The following OSBPL10 variants were observed in gnomAD, a reference collection of about 807,000 sequenced individuals.
OSBPL10 encodes oxysterol-binding protein-related protein 10.
Under a neutral mutation model 81.7 loss-of-function variants are expected in OSBPL10, and 49 were observed. That is an observed-to-expected ratio of 0.60 (90% CI 0.48 to 0.76). The LOEUF (loss-of-function observed/expected upper bound fraction) is 0.76, where lower values mean the gene tolerates loss of function less well. Among genes scored for constraint, OSBPL10 ranks in the 30% least tolerant of loss-of-function variants. The pLI is 0.00. For synonymous variants in OSBPL10, 419 were observed against 383.6 expected (o/e 1.09, Z -1.08); for missense variants, 923 against 987.8 (o/e 0.93, Z 0.88).
At chr3:31,839,124 A>G (rs970170198) in intron 3 of OSBPL10, among the ~76,000 whole-genome samples, 4 of 152,144 alleles carry the variant, frequency 2.6e-5, no homozygotes, top group African/African-American at 7.2e-5. Context: ...CCCAACCTCA[A>G]TTTTTATCAC....
At chr3:31,889,291 A>G (rs1415026739) in intron 1 of OSBPL10, among the ~76,000 whole-genome samples, 3 of 152,216 alleles carry the variant, frequency 2.0e-5, no homozygotes, top group Non-Finnish European at 2.9e-5. Flanking sequence ...CCAGCAATCC[A>G]CTACTGGGAT....
chr3:31,865,592 T>C (rs1247100670), intron 3 of OSBPL10, among the ~76,000 whole-genome samples: 2 of 152,248 alleles, frequency 1.3e-5, no homozygotes, highest in East Asian at 3.9e-4. Flanking sequence ...GGGAGGTGAT[T>C]AGGTCATGAA....
intron 6 of OSBPL10, among the ~76,000 whole-genome samples, chr3:31,729,061 G>A (rs1444045992): frequency 1.3e-5 from 2 of 152,144 alleles, no homozygotes; most frequent in Non-Finnish European, 2.9e-5. Flanking sequence ...ATTTGGATTA[G>A]GGATACTACT....
At chr3:31,965,230 C>T (rs536485363) in intron 1 of OSBPL10, among the ~76,000 whole-genome samples, 20 of 150,248 alleles carry the variant, frequency 1.3e-4, no homozygotes, top group South Asian at 8.4e-4. Flanking sequence ...ATTAGCCGGG[C>T]GTGGTGGTGG....
At chr3:32,030,646 C>T (rs1575088810) in intron 2 of OSBPL10, 5 of 1,400,630 alleles carry the variant, frequency 3.6e-6, no homozygotes, top group Non-Finnish European at 3.0e-6. Context: ...GCCTGAGCTG[C>T]TGGAACCTAT....
chr3:31,715,045 G>A (rs146869328), intron 6 of OSBPL10: 9 of 149,730 alleles, frequency 6.0e-5, no homozygotes, highest in East Asian at 2.0e-4. Context: ...TACTCAGTCA[G>A]TACTTCGGTT....
chr3:32,065,341 A>T (rs1428082155), intron 1 of OSBPL10: 2 of 93,448 alleles, frequency 2.1e-5, no homozygotes, highest in Admixed American at 2.6e-4. Context: ...TCTTGTAATC[A>T]TGTCATACTT....
chr3:31,801,999 T>C (rs965793755), intron 4 of OSBPL10, among the ~76,000 whole-genome samples: 2 of 151,804 alleles, frequency 1.3e-5, no homozygotes, highest in Non-Finnish European at 2.9e-5. Context: ...AATTTTGTAT[T>C]TTTAGTAGAG....
chr3:31,713,200 T>G (rs552066161), intron 6 of OSBPL10, among the ~76,000 whole-genome samples: 1 of 152,266 alleles, frequency 6.6e-6, no homozygotes, highest in African/African-American at 2.4e-5. Context: ...CTACACGATG[T>G]TGCCCCCACG....
At chr3:32,060,655 T>TA (rs1215749385) in intron 1 of OSBPL10, among the ~76,000 whole-genome samples, 1 of 41,322 alleles carries the variant, frequency 2.4e-5, no homozygotes, top group Non-Finnish European at 9.7e-5. Context: ...CCCCAGCTTT[T>TA]AAAAAAACCC....
chr3:31,670,770 G>A (rs1700303058), intron 9 of OSBPL10, 27 bp downstream of exon 9: 1 of 1,596,976 alleles, frequency 6.3e-7, no homozygotes, highest in Admixed American at 1.7e-5. Context: ...TTAAGACAAA[G>A]CCAGAGTCTC....
At chr3:31,821,539 T>C (rs1699982827) in intron 4 of OSBPL10, among the ~76,000 whole-genome samples, 1 of 152,198 alleles carries the variant, frequency 6.6e-6, no homozygotes, top group African/African-American at 2.4e-5. Context: ...CCCACTCTAT[T>C]GCTTTAAAAA....
intron 3 of OSBPL10, among the ~76,000 whole-genome samples, chr3:31,870,487 G>C (rs1701292836): frequency 6.6e-6 from 1 of 152,254 alleles, no homozygotes; most frequent in Non-Finnish European, 1.5e-5. Flanking sequence ...CCACCCAAGG[G>C]CTGAGGAGTG....
At chr3:31,812,175 G>A (rs1040378215) in intron 4 of OSBPL10, among the ~76,000 whole-genome samples, 4 of 152,116 alleles carry the variant, frequency 2.6e-5, no homozygotes, top group Non-Finnish European at 5.9e-5. Context: ...GGGATTACAG[G>A]CGCCTGCCAC....
At chr3:31,923,210 G>A (rs965906363) in intron 1 of OSBPL10, among the ~76,000 whole-genome samples, 3 of 152,156 alleles carry the variant, frequency 2.0e-5, no homozygotes, top group African/African-American at 7.2e-5. Flanking sequence ...ATCCAGACTG[G>A]TGGAGGAAAG....
At chr3:31,734,946 A>G (rs1354688219) in intron 5 of OSBPL10, among the ~76,000 whole-genome samples, 1 of 152,244 alleles carries the variant, frequency 6.6e-6, no homozygotes, top group East Asian at 1.9e-4. Flanking sequence ...CTCAAAGAAA[A>G]GTCTACAGGT....
At chr3:31,677,144 T>G (rs779603611) in intron 8 of OSBPL10, among the ~76,000 whole-genome samples, 31 of 152,070 alleles carry the variant, frequency 2.0e-4, no homozygotes, top group Non-Finnish European at 3.4e-4. Context: ...ATCAACAAAT[T>G]CATAGAATAT....
At chr3:31,893,628 T>C (rs1695966205) in intron 1 of OSBPL10, among the ~76,000 whole-genome samples, 1 of 152,182 alleles carries the variant, frequency 6.6e-6, no homozygotes, top group Non-Finnish European at 1.5e-5. Context: ...TGGAAATAAT[T>C]TAAATGTTAA....
intron 3 of OSBPL10, among the ~76,000 whole-genome samples, chr3:31,838,697 A>G (rs1700422824): frequency 6.6e-6 from 1 of 152,128 alleles, no homozygotes; most frequent in Admixed American, 6.5e-5. Flanking sequence ...ATGGAACACC[A>G]TAACTGGGAG....
Sources: gnomAD v4.1 joint callset for allele counts (sites outside exome capture counted in the v4.1 genomes callset) on GRCh38, gnomAD v4.1.1 for gene constraint, MANE v1.5 for transcripts, NCBI Gene and HGNC (gene_info 2026-07-23, HGNC 2026-07-21) for gene names.